MSI2: variants seen among roughly 807,000 people sequenced by gnomAD.
The protein encoded by MSI2 is musashi RNA binding protein 2, also known as RNA-binding protein Musashi homolog 2.
A neutral mutation model predicts 45.6 loss-of-function variants in MSI2; 17 were observed. The ratio of observed to expected loss-of-function variants is 0.37; its 90% CI spans 0.26 to 0.56. The LOEUF is 0.56. Among genes scored for constraint, MSI2 ranks in the 20% least tolerant of loss-of-function variants. MSI2 has a pLI of 0.77. For missense variants in MSI2, 293 were observed against 444.2 expected (o/e 0.66, Z 3.06); for synonymous variants, 156 against 158.2 (o/e 0.99, Z 0.11).
intron 7 of MSI2, among the ~76,000 whole-genome samples, chr17:57,555,678 G>A (rs180738476): frequency 2.6e-5 from 4 of 152,274 alleles, no homozygotes; most frequent in Admixed American, 2.0e-4. Context: ...TTAACTGCAG[G>A]AGACCATATT....
At chr17:57,553,234 G>C (rs1213305651) in intron 7 of MSI2, among the ~76,000 whole-genome samples, 1 of 152,204 alleles carries the variant, frequency 6.6e-6, no homozygotes, top group Non-Finnish European at 1.5e-5. Context: ...CAGAGCACTG[G>C]ACTGGGGACC....
chr17:57,625,897 GGCCACTGTT>G (rs1301613583), intron 9 of MSI2: 1 of 152,260 alleles, frequency 6.6e-6, no homozygotes, highest in African/African-American at 2.4e-5. Flanking sequence ...CTGGTCAGGG[GGCCACTGTT>G]GCCAACACTG....
chr17:57,470,020 G>C (rs2085403397), intron 6 of MSI2, among the ~76,000 whole-genome samples: 1 of 152,082 alleles, frequency 6.6e-6, no homozygotes, highest in Admixed American at 6.6e-5. Flanking sequence ...CTGGCTTAAT[G>C]CCTTTTCATC....
At chr17:57,404,319 C>T (rs1341749781) in intron 6 of MSI2, among the ~76,000 whole-genome samples, 1 of 152,140 alleles carries the variant, frequency 6.6e-6, no homozygotes, top group African/African-American at 2.4e-5. Context: ...GCTGATCAGT[C>T]CCCAAGATGG....
chr17:57,657,275 G>A (rs918282108), intron 11 of MSI2, among the ~76,000 whole-genome samples: 3 of 152,206 alleles, frequency 2.0e-5, no homozygotes, highest in African/African-American at 7.2e-5. Context: ...CAAGGCCCAG[G>A]AAGATAAATC....
intron 1 of MSI2, 40 bp downstream of exon 1, chr17:57,256,844 C>G: frequency 7.1e-7 from 1 of 1,413,688 alleles, no homozygotes. Context: ...GCCTTGGGCT[C>G]GCTCTCCTTG....
At chr17:57,376,989 C>G (rs751477848) in intron 5 of MSI2, among the ~76,000 whole-genome samples, 66 of 151,276 alleles carry the variant, frequency 4.4e-4, no homozygotes, top group Non-Finnish European at 8.5e-4. Context: ...GGCGCGATCT[C>G]GGCTCACTGC....
intron 5 of MSI2, among the ~76,000 whole-genome samples, chr17:57,287,614 G>A (rs1443165959): frequency 2.0e-5 from 3 of 152,168 alleles, no homozygotes; most frequent in African/African-American, 7.2e-5. Flanking sequence ...TTAGCCCAGG[G>A]AAGAGGCCTG....
In MSI2 at chr17:57,464,005, G is replaced by A. The variant is rs2085282146; in HGVS notation, c.405+62534G>A. ...GTTTAATGAACGTGTGTGTGTGTGT[G>A]TGTGTGTGTGTGTGTATGTGTGTGT... On this transcript the variant is annotated intron_variant, in intron 6 of 13. Transcript: ENST00000284073. Among the ~76,000 whole-genome samples, 6 of 127,470 alleles carry A rather than the reference G, an allele frequency of 4.7e-5. No homozygotes were observed. The South Asian group carries it at 2.0e-3, about 43-fold the overall frequency. 83.6% of individuals were successfully genotyped at this position (127,470 alleles called of 152,430 possible).
intron 6 of MSI2, among the ~76,000 whole-genome samples, chr17:57,447,659 C>T (rs370651124): frequency 1.1e-4 from 17 of 152,018 alleles, no homozygotes; most frequent in Admixed American, 2.0e-4. Context: ...AACTGGAAGT[C>T]CAGATGATCC....
chr17:57,340,002 A>T (rs1914998046), intron 5 of MSI2, among the ~76,000 whole-genome samples: 1 of 152,200 alleles, frequency 6.6e-6, no homozygotes, highest in Non-Finnish European at 1.5e-5. Flanking sequence ...ACTGGGCAGC[A>T]GAGGTGTTGG....
At chr17:57,467,222 G>T (rs752525525) in intron 6 of MSI2, among the ~76,000 whole-genome samples, 9 of 152,238 alleles carry the variant, frequency 5.9e-5, no homozygotes, top group Non-Finnish European at 1.0e-4. Context: ...TGTCAGGTGG[G>T]TATGCATTTC....
At chr17:57,359,721 C>T (rs955310181) in intron 5 of MSI2, among the ~76,000 whole-genome samples, 1 of 152,214 alleles carries the variant, frequency 6.6e-6, no homozygotes, top group Non-Finnish European at 1.5e-5. Context: ...ATTGTTGAGG[C>T]CCTGGCTGAA....
intron 6 of MSI2, among the ~76,000 whole-genome samples, chr17:57,512,369 C>T (rs1012152947): frequency 6.6e-6 from 1 of 152,134 alleles, no homozygotes; most frequent in African/African-American, 2.4e-5. Context: ...ACAGAAGGAG[C>T]TCATTCAGCC....
chr17:57,273,645 C>T (rs929780905), intron 5 of MSI2, among the ~76,000 whole-genome samples: 6 of 152,148 alleles, frequency 3.9e-5, no homozygotes, highest in South Asian at 4.1e-4. Flanking sequence ...GGCAGGCCAT[C>T]GCCTTAGCAT....
intron 6 of MSI2, among the ~76,000 whole-genome samples, chr17:57,503,971 T>C (rs898233939): frequency 3.3e-5 from 5 of 152,152 alleles, no homozygotes; most frequent in Admixed American, 6.5e-5. Flanking sequence ...CCTGACCTCA[T>C]GATCTGCCCG....
In MSI2 at chr17:57,256,752, A is replaced by T. The variant is rs1906758755; in HGVS notation, c.10A>T (p.Asn4Tyr). 6.8e-7 allele frequency: 1 copy of T among 1,465,740 alleles called. No individual in the cohort carries two copies. The highest frequency in any genetic ancestry group is 1.5e-5 in the African/African-American group (1 of 67,120). 90.8% of individuals were successfully genotyped at this position (1,465,740 alleles called of 1,614,324 possible). ...GCGGGGGGGCTCAGATATGGAGGCA[A>T]ATGGGAGCCAAGGCACCTCGGGCAG... MEA[N>Y]GSQGTSGSAN... is the part of the protein sequence containing the mutation. Residue 4 changes from asparagine (N) to tyrosine (Y), a missense_variant, in exon 1 of 14, where the codon AAT (asparagine) becomes TAT (tyrosine). By Grantham distance (143) the Asn-to-Tyr change is moderately radical. Transcript: ENST00000284073.
At chr17:57,273,739 G>C (rs1302825736) in intron 5 of MSI2, among the ~76,000 whole-genome samples, 1 of 152,156 alleles carries the variant, frequency 6.6e-6, no homozygotes, top group Non-Finnish European at 1.5e-5. Context: ...CGGCCCCTCT[G>C]CAGCATGACC....
In MSI2 at chr17:57,682,620, AT is replaced by A. The variant is rs34763557; in HGVS notation, c.*3105del. 0.12 allele frequency: 26,244 copies of A among 212,658 alleles called. 1,831 individuals carry two copies. The highest frequency in any genetic ancestry group is 0.19 in the East Asian group (2,612 of 14,116). The allele number at this position is 212,658 out of a possible 1,614,324, so 13.2% of individuals were successfully genotyped here. The stretch of plus-strand genomic sequence containing the variant: ...GTTTAAGGTTCACGTTAGTCCCCCC[AT>A]TCCATCTAGAAGTCCATTTTGAAAG... On this transcript the variant is annotated 3_prime_UTR_variant, in exon 14 of 14. Coordinates refer to ENST00000284073, the MANE Select transcript of MSI2 (RefSeq NM_138962.4).
Sources: allele counts gnomAD v4.1 joint callset (sites outside exome capture counted in the v4.1 genomes callset), GRCh38; gene constraint gnomAD v4.1.1; transcripts MANE v1.5; gene names NCBI Gene and HGNC (gene_info 2026-07-23, HGNC 2026-07-21).